TCF12: variants seen among roughly 807,000 people sequenced by gnomAD.
The protein encoded by TCF12 is transcription factor 12.
Under a neutral mutation model 86.0 loss-of-function variants are expected in TCF12, and 45 were observed. The observed-to-expected ratio is 0.52, with a 90% CI of 0.41 to 0.67. The LOEUF (loss-of-function observed/expected upper bound fraction) is 0.67. Ranked by LOEUF, TCF12 falls within the 30% of genes least tolerant of loss-of-function variation. TCF12 has a pLI of 0.00. For synonymous variants in TCF12, 330 were observed against 299.6 expected, an observed-to-expected ratio of 1.10 and a Z score of -1.05; for missense variants, 881 against 859.9, an observed-to-expected ratio of 1.02 and a Z score of -0.31.
intron 4 of TCF12, among the ~76,000 whole-genome samples, chr15:57,075,444 C>G (rs1430754200): frequency 6.6e-6 from 1 of 152,048 alleles, no homozygotes; most frequent in East Asian, 1.9e-4. Context: ...ATTTCCTTGT[C>G]ACTGAAATTA....
intron 6 of TCF12, among the ~76,000 whole-genome samples, chr15:57,190,172 A>G (rs144263492): frequency 8.5e-5 from 13 of 152,368 alleles, no homozygotes; most frequent in African/African-American, 3.1e-4. Context: ...GTTGAACAAC[A>G]TTTTGAATGT....
intron 5 of TCF12, among the ~76,000 whole-genome samples, chr15:57,121,975 T>G (rs1471473436): frequency 2.0e-5 from 3 of 152,072 alleles, no homozygotes. Flanking sequence ...TGGGTGAGAT[T>G]AGAATAAAAT....
chr15:57,030,479 G>A (rs1226894202), intron 3 of TCF12, among the ~76,000 whole-genome samples: 8 of 152,114 alleles, frequency 5.3e-5, no homozygotes, highest in Admixed American at 4.6e-4. Context: ...TCAAATTCCT[G>A]CCTCAGCCTC....
At chr15:57,004,592 G>T (rs1205722148) in intron 3 of TCF12, among the ~76,000 whole-genome samples, 1 of 152,012 alleles carries the variant, frequency 6.6e-6, no homozygotes, top group African/African-American at 2.4e-5. Context: ...TGTATTTTTA[G>T]TAGAGACGGG....
At chr15:57,120,718 T>C (rs977214952) in intron 5 of TCF12, among the ~76,000 whole-genome samples, 3 of 152,216 alleles carry the variant, frequency 2.0e-5, no homozygotes, top group Non-Finnish European at 2.9e-5. Flanking sequence ...TCCTAAAATG[T>C]TTTTGGTAAA....
At chr15:56,994,530 A>C (rs554626799) in intron 3 of TCF12, among the ~76,000 whole-genome samples, 5 of 152,066 alleles carry the variant, frequency 3.3e-5, no homozygotes, top group Non-Finnish European at 7.4e-5. Context: ...TGTCATAATT[A>C]ATCTGAAAAC....
chr15:57,033,144 G>A (rs1392119381), intron 3 of TCF12, among the ~76,000 whole-genome samples: 4 of 151,894 alleles, frequency 2.6e-5, no homozygotes, highest in Non-Finnish European at 5.9e-5. Flanking sequence ...AGAGAAAAAT[G>A]AAAAAAACTT....
At chr15:57,062,601 T>A (rs1477770918) in intron 3 of TCF12, among the ~76,000 whole-genome samples, 1 of 152,190 alleles carries the variant, frequency 6.6e-6, no homozygotes, top group Non-Finnish European at 1.5e-5. Flanking sequence ...ACCCATCCTT[T>A]CAATTTGGCA....
chr15:57,013,552 C>A (rs2064968484), intron 3 of TCF12, among the ~76,000 whole-genome samples: 1 of 152,174 alleles, frequency 6.6e-6, no homozygotes, highest in Non-Finnish European at 1.5e-5. Context: ...AACTCCTGAT[C>A]TCAAGTGATC....
In TCF12 at chr15:57,273,229, G is replaced by A; in HGVS notation, c.1945G>A (p.Ala649Thr). 6.2e-7 allele frequency: 1 copy of A among 1,614,114 alleles called. No individual in the cohort carries two copies. Among genetic ancestry groups the A allele is most frequent in the Non-Finnish European group, 8.5e-7 (1 of 1,180,012 alleles). Reference protein sequence around the residue: ...TKLLILHQAVAVILSLEQQVR... With the variant: ...TKLLILHQAVTVILSLEQQVR... ...ACTCCTTATTCTTCATCAAGCCGTG[G>A]CAGTCATCCTTAGTCTAGAACAGCA... Residue 649 changes from alanine to threonine, a missense_variant, in exon 19 of 21, where the codon GCA becomes ACA. Around this residue, in one of 3 missense-constraint regions of TCF12, gnomAD observed 46 missense variants for 76.7 expected, o/e 0.60. Coordinates refer to ENST00000333725, the MANE Select transcript of TCF12 (RefSeq NM_207037.2).
At chr15:57,028,947 G>A (rs925328955) in intron 3 of TCF12, among the ~76,000 whole-genome samples, 4 of 151,962 alleles carry the variant, frequency 2.6e-5, no homozygotes, top group African/African-American at 4.8e-5. Context: ...ACAGGTGTGC[G>A]CCACCATGCC....
intron 3 of TCF12, among the ~76,000 whole-genome samples, chr15:56,987,217 T>TTC (rs1437977811): frequency 6.6e-6 from 1 of 152,108 alleles, no homozygotes; most frequent in Non-Finnish European, 1.5e-5. Flanking sequence ...GTTCAAGCGA[T>TTC]TCTCCTGCCT....
At chr15:57,155,705 G>T (rs1458080055) in intron 5 of TCF12, among the ~76,000 whole-genome samples, 1 of 152,098 alleles carries the variant, frequency 6.6e-6, no homozygotes, top group African/African-American at 2.4e-5. Context: ...TGAAGCAGGA[G>T]GATTGAACCC....
rs187602912 is a variant in TCF12, at chr15:57,123,687, C to T, written c.325+31796C>T. ...AGTTTTAAGGCCGGGTGCAGTGGCT[C>T]ATGCCTGTAATTCCAGCACTTTGGG... On this transcript the variant is annotated intron_variant, in intron 5 of 20. Coordinates refer to ENST00000333725, the MANE Select transcript of TCF12 (RefSeq NM_207037.2). 1.3e-3 allele frequency among the ~76,000 whole-genome samples: 194 copies of T among 152,030 alleles called. 5 individuals are homozygous for T. In the East Asian group the frequency reaches 0.023, roughly 18 times the overall value.
chr15:56,919,088 A>T (rs1180248071), intron 1 of TCF12, 182 bp downstream of exon 1: 1 of 151,582 alleles, frequency 6.6e-6, no homozygotes, highest in East Asian at 2.0e-4. Flanking sequence ...CGGAGGCTCG[A>T]GTCGCGGGCG....
chr15:57,218,159 T>C (rs1248251654), intron 8 of TCF12, among the ~76,000 whole-genome samples: 1 of 152,180 alleles, frequency 6.6e-6, no homozygotes. Context: ...AGTATATTCC[T>C]AGAATATTTC....
chr15:57,058,361 G>C (rs2068192810), intron 3 of TCF12, among the ~76,000 whole-genome samples: 1 of 152,132 alleles, frequency 6.6e-6, no homozygotes, highest in African/African-American at 2.4e-5. Context: ...CAAAATCTAT[G>C]TATGAAAGTC....
intron 3 of TCF12, among the ~76,000 whole-genome samples, chr15:56,957,785 G>A (rs191845451): frequency 2.0e-5 from 3 of 152,064 alleles, no homozygotes; most frequent in East Asian, 1.9e-4. Context: ...GCTGAGTGCC[G>A]TATATTTTTT....
intron 3 of TCF12, among the ~76,000 whole-genome samples, chr15:56,928,958 C>A (rs1751714846): frequency 6.6e-6 from 1 of 152,134 alleles, no homozygotes; most frequent in South Asian, 2.1e-4. Context: ...AACATAAACT[C>A]CCTTGGTAGC....
Sources: allele counts gnomAD v4.1 joint callset (sites outside exome capture counted in the v4.1 genomes callset), GRCh38; gene constraint gnomAD v4.1.1; regional missense constraint gnomAD v4.1.1; transcripts MANE v1.5; gene names NCBI Gene and HGNC (gene_info 2026-07-23, HGNC 2026-07-21).